SH3KBP1: variants seen among roughly 807,000 people sequenced by gnomAD.
The protein encoded by SH3KBP1 is SH3 domain-containing kinase-binding protein 1.
Under a neutral mutation model 50.1 loss-of-function variants are expected in SH3KBP1, and 8 were observed. The observed-to-expected ratio is 0.16, with a 90% CI of 0.09 to 0.29. The LOEUF is 0.29. SH3KBP1 is among the 10% of genes least tolerant of loss of function. The pLI is 1.00. For missense variants in SH3KBP1, 377 were observed against 535.2 expected, an observed-to-expected ratio of 0.70 and a Z score of 2.92; for synonymous variants, 227 against 218.6, an observed-to-expected ratio of 1.04 and a Z score of -0.34.
At position 19,669,087 on chromosome X, in the gene SH3KBP1, C is replaced by T. The variant is rs1213030937; in HGVS notation, c.726+14736G>A. ...AGGCGATCCTCCCACCTCAGCCTCC[C>T]GAGTAGCTGGGGACTACAGGTGTGC... On this transcript the variant is annotated intron_variant, in intron 6 of 17. Coordinates refer to ENST00000397821, the MANE Select transcript of SH3KBP1 (RefSeq NM_031892.3). Among the ~76,000 whole-genome samples, 7 of 96,695 alleles carry T rather than the reference C, an allele frequency of 7.2e-5. No individual in the cohort carries two copies. In the East Asian group the frequency reaches 9.9e-4, roughly 14 times the overall value. The allele number at this position is 96,695 out of a possible 115,157, so 84.0% of individuals were successfully genotyped here.
chrX:19,648,954 GC>G (rs926553998), intron 6 of SH3KBP1, among the ~76,000 whole-genome samples: 11 of 111,838 alleles, frequency 9.8e-5, no homozygotes, highest in African/African-American at 3.6e-4. Flanking sequence ...ATTTCAAAGG[GC>G]ATGCCTCATG....
chrX:19,631,899 T>C lies in SH3KBP1; in HGVS notation c.862A>G (p.Ile288Val), dbSNP rs369225656. 1.7e-6 allele frequency: 2 copies of C among 1,198,460 alleles called. No individual in the cohort carries two copies. Among genetic ancestry groups the C allele is most frequent in the Non-Finnish European group, 1.1e-6 (1 of 884,506 alleles). ...YEAQNDDELT[I>V]KEGDIVTLIN... ...AGAGTGACTATATCTCCTTCTTTGATTGTCAATTCATCATCATTCTGTGCC... is the reference window on the plus strand; with the variant it reads ...AGAGTGACTATATCTCCTTCTTTGACTGTCAATTCATCATCATTCTGTGCC... Residue 288 changes from isoleucine to valine, a missense_variant, in exon 8 of 18, where the codon ATC becomes GTC. Ile to Val is a conservative substitution (Grantham distance 29). This residue lies in a region of SH3KBP1 where 257 missense variants were observed against 374.2 expected (regional missense o/e 0.69). Transcript: ENST00000397821.
intron 2 of SH3KBP1, chrX:19,799,543 T>A (rs2066832194): frequency 1.1e-6 from 1 of 926,670 alleles, no homozygotes; most frequent in African/African-American, 1.9e-5. Context: ...TTCCCCATCA[T>A]GCCTCCCTCC....
At position 19,668,058 on chromosome X, in the gene SH3KBP1, C is replaced by G. The variant is rs775951788; in HGVS notation, c.726+15765G>C. Among the ~76,000 whole-genome samples, 10 of 111,261 alleles carry G rather than the reference C, an allele frequency of 9.0e-5. No individual in the cohort carries two copies. The East Asian group carries it at 2.8e-3, about 31-fold the overall frequency. On this transcript the variant is annotated intron_variant, in intron 6 of 17. Transcript: ENST00000397821. ...TTCAACAAATGGTGCTGCATCTCTA[C>G]AACGGACAGAGACCCTAGGGATATC...
intron 6 of SH3KBP1, among the ~76,000 whole-genome samples, chrX:19,657,727 AAATAATAATAAT>A (rs766687828): frequency 9.3e-6 from 1 of 107,905 alleles, no homozygotes; most frequent in Non-Finnish European, 1.9e-5. Flanking sequence ...ACTCCATCTA[AAATAATAATAAT>A]AATAATAATA....
intron 1 of SH3KBP1, among the ~76,000 whole-genome samples, chrX:19,874,048 CAAAAA>C (rs55948760): frequency 1.1e-4 from 3 of 26,294 alleles, no homozygotes; most frequent in African/African-American, 7.6e-4. Flanking sequence ...GAGTCCATCT[CAAAAA>C]AAAAAAAAAA....
At chrX:19,797,408 A>G (rs929589124) in intron 2 of SH3KBP1, among the ~76,000 whole-genome samples, 1 of 112,100 alleles carries the variant, frequency 8.9e-6, no homozygotes, top group African/African-American at 3.2e-5. Flanking sequence ...CGAGAACTCA[A>G]TATGGCAGAA....
intron 2 of SH3KBP1, among the ~76,000 whole-genome samples, chrX:19,751,891 T>C (rs1206528460): frequency 1.8e-5 from 2 of 112,203 alleles, no homozygotes; most frequent in East Asian, 2.8e-4. Context: ...CTGCGAGCTA[T>C]GCTAGGATGG....
At chrX:19,619,802 A>G (rs183760046) in intron 8 of SH3KBP1, among the ~76,000 whole-genome samples, 47 of 112,475 alleles carry the variant, frequency 4.2e-4, no homozygotes, top group Non-Finnish European at 7.7e-4. Context: ...AATAAATACA[A>G]TTAAAAAAAT....
intron 12 of SH3KBP1, among the ~76,000 whole-genome samples, chrX:19,574,752 T>C (rs2066146124): frequency 8.9e-6 from 1 of 112,517 alleles, no homozygotes; most frequent in South Asian, 3.7e-4. Flanking sequence ...GACTTGAGTA[T>C]AGTGTCAACG....
intron 2 of SH3KBP1, among the ~76,000 whole-genome samples, chrX:19,793,313 A>AAT (rs777838672): frequency 0.021 from 2,046 of 96,881 alleles, 17 homozygotes; most frequent in African/African-American, 0.027. Context: ...AGGAAAAAAA[A>AAT]ATATATATAT....
intron 6 of SH3KBP1, chrX:19,670,503 G>T: frequency 3.6e-6 from 1 of 275,435 alleles, no homozygotes; most frequent in Non-Finnish European, 5.0e-6. Context: ...GTTACCGCTT[G>T]TGCAAACTGC....
intron 13 of SH3KBP1, among the ~76,000 whole-genome samples, chrX:19,553,967 A>ATATATATTAAAATATAATATATAT (rs2065337121): frequency 4.9e-5 from 3 of 60,900 alleles, no homozygotes; most frequent in East Asian, 4.0e-4. Flanking sequence ...ATAATATATA[A>ATATATATTAAAATATAATATATAT]TATATATTAA....
chrX:19,689,974 C>T (rs2063247067), intron 5 of SH3KBP1, among the ~76,000 whole-genome samples: 1 of 110,823 alleles, frequency 9.0e-6, no homozygotes, highest in Admixed American at 9.6e-5. Flanking sequence ...TTTCTTACAG[C>T]TAATGAAACA....
intron 6 of SH3KBP1, among the ~76,000 whole-genome samples, chrX:19,669,820 A>AGGTTTT (rs1350649093): frequency 1.1e-4 from 12 of 111,711 alleles, no homozygotes; most frequent in Non-Finnish European, 2.3e-4. Context: ...TGCCATTTAA[A>AGGTTTT]AACCTTTCAA....
At chrX:19,802,514 A>G (rs1022821387) in intron 2 of SH3KBP1, among the ~76,000 whole-genome samples, 1 of 110,948 alleles carries the variant, frequency 9.0e-6, no homozygotes, top group African/African-American at 3.3e-5. Flanking sequence ...GTGGTTCCCA[A>G]TTACCCCAAA....
intron 1 of SH3KBP1, among the ~76,000 whole-genome samples, chrX:19,851,418 G>A (rs2068505747): frequency 8.9e-6 from 1 of 112,912 alleles, no homozygotes; most frequent in South Asian, 3.6e-4. Flanking sequence ...TGTGATTACT[G>A]CCTGTGTCCG....
At chrX:19,575,045 AT>A (rs2066155126) in intron 12 of SH3KBP1, among the ~76,000 whole-genome samples, 1 of 112,441 alleles carries the variant, frequency 8.9e-6, no homozygotes, top group African/African-American at 3.2e-5. Flanking sequence ...CTAATACAAC[AT>A]CCCTGTTTGA....
chrX:19,837,320 G>T (rs1267667055), intron 1 of SH3KBP1, among the ~76,000 whole-genome samples: 1 of 111,766 alleles, frequency 8.9e-6, no homozygotes. Flanking sequence ...AAGGCAACAG[G>T]TAAGAAAGGT....
Sources: gnomAD v4.1 joint callset for allele counts (sites outside exome capture counted in the v4.1 genomes callset) on GRCh38, gnomAD v4.1.1 for gene constraint, gnomAD v4.1.1 regional missense constraint, MANE v1.5 for transcripts, NCBI Gene and HGNC (gene_info 2026-07-23, HGNC 2026-07-21) for gene names.